Variants in PAPOLG observed in about 807,000 individuals in gnomAD.
PAPOLG encodes the protein PAP-gamma.
In PAPOLG, 40 loss-of-function variants were observed where a neutral mutation model predicts 99.0. The observed-to-expected ratio is 0.40, with a 90% CI of 0.31 to 0.53. PAPOLG has a LOEUF of 0.53. Among genes scored for constraint, PAPOLG ranks in the 20% least tolerant of loss-of-function variants. PAPOLG has a pLI of 0.41. For synonymous variants in PAPOLG, 310 were observed against 299.3 expected (o/e 1.04, Z -0.37); for missense variants, 675 against 884.1 (o/e 0.76, Z 3.00).
rs186012766 is a variant in PAPOLG, at chr2:60,757,062, A to G, written c.17+567A>G. 3.9e-4 allele frequency among the ~76,000 whole-genome samples: 60 copies of G among 152,260 alleles called. 2 individuals are homozygous for G. Among genetic ancestry groups the G allele is most frequent in the Non-Finnish European group, 2.1e-4 (14 of 68,026 alleles). ...CCTCTTGTTCACACTTTGATAAGTC[A>G]GAAACAGTTCCCGTACTTGGCAAGA... On this transcript the variant is annotated intron_variant, in intron 1 of 21. Transcript: ENST00000238714.
chr2:60,770,603 T>C, intron 6 of PAPOLG, 92 bp downstream of exon 6: 1 of 804,968 alleles, frequency 1.2e-6, no homozygotes. Context: ...AATGCATATT[T>C]TAAAAAATCA....
rs933853051 is a variant in PAPOLG at position 60,774,050 on chromosome 2, A to G, written c.605-984A>G. 3.3e-5 allele frequency among the ~76,000 whole-genome samples: 5 copies of G among 152,006 alleles called. No homozygotes were observed. The East Asian group carries it at 9.7e-4, about 29-fold the overall frequency. ...TAACTGCAAGTGTGTGGTGGTGAAG[A>G]TATTTTTTTCTGCTAGTGCAGTTTG... On this transcript the variant is annotated intron_variant, in intron 7 of 21. Transcript: ENST00000238714.
chr2:60,771,471 A>G (rs1380467432), intron 6 of PAPOLG, 48 bp from the exon 7 acceptor site: 1 of 1,556,960 alleles, frequency 6.4e-7, no homozygotes, highest in East Asian at 2.3e-5. Context: ...AGGATGGATT[A>G]AAAGGAGAAA....
rs895533781 is a variant in PAPOLG at position 60,793,495 on chromosome 2, T to C, written c.1680-132T>C. 10 of 1,024,028 alleles carry C rather than the reference T, an allele frequency of 9.8e-6. No individual in the cohort carries two copies. In the African/African-American group the frequency reaches 1.3e-4, roughly 13 times the overall value. The allele number at this position is 1,024,028 out of a possible 1,614,324, so 63.4% of individuals were successfully genotyped here. On this transcript the variant is annotated intron_variant, in intron 17 of 21. Transcript: ENST00000238714. ...GGCAAAGTTACTTGAGTCCAGGAGGTTGAGGCTGCAGTGAGCTGTGATTGT... is the reference window on the plus strand; with the variant it reads ...GGCAAAGTTACTTGAGTCCAGGAGGCTGAGGCTGCAGTGAGCTGTGATTGT...
At chr2:60,794,824 G>A (rs1671648159) in intron 20 of PAPOLG, 49 bp downstream of exon 20, 1 of 1,547,960 alleles carries the variant, frequency 6.5e-7, no homozygotes, top group Admixed American at 1.7e-5. Flanking sequence ...AAAGCGCCAT[G>A]TATCAGGAAA....
At chr2:60,780,302 A>G (rs1671149845) in intron 9 of PAPOLG, among the ~76,000 whole-genome samples, 1 of 147,686 alleles carries the variant, frequency 6.8e-6, no homozygotes, top group East Asian at 2.0e-4. Context: ...TTTAATTGAG[A>G]CAGGGTCTCA....
chr2:60,770,506 A>G lies in PAPOLG; in HGVS notation c.487A>G (p.Ile163Val), dbSNP rs980212517. Residue 163 changes from isoleucine (I) to valine (V), a missense_variant, in exon 6 of 22, where the codon ATT becomes GTT. This residue lies in a region of PAPOLG where 149 missense variants were observed against 192.1 expected (regional missense o/e 0.78). Coordinates refer to ENST00000238714, the MANE Select transcript of PAPOLG (RefSeq NM_022894.4). The stretch of plus-strand genomic sequence containing the variant: ...TGTTATAAAATTTGAATTTGATGGT[A>G]TTGAAGTAAGTGTTTAATATTTTTC... ...VPVIKFEFDG[I>V]EIDLVFARLA... 6.4e-7 allele frequency: 1 copy of G among 1,571,222 alleles called. No homozygotes were observed. The highest frequency in any genetic ancestry group is 8.7e-7 in the Non-Finnish European group (1 of 1,149,900).
intron 7 of PAPOLG, 81 bp from the exon 8 acceptor site, chr2:60,774,953 G>A (rs576650605): frequency 3.9e-5 from 62 of 1,578,920 alleles, no homozygotes; most frequent in Non-Finnish European, 5.0e-5. Flanking sequence ...TTTAGCATTC[G>A]AGAGTCTGGA....
chr2:60,795,298 G>A, intron 21 of PAPOLG: 1 of 560,006 alleles, frequency 1.8e-6, no homozygotes, highest in Non-Finnish European at 3.4e-6. Flanking sequence ...AGAAGCAGTT[G>A]GATGCTCAGC....
intron 7 of PAPOLG, 80 bp from the exon 8 acceptor site, chr2:60,774,952 CGA>C: frequency 6.4e-7 from 1 of 1,574,724 alleles, no homozygotes; most frequent in Non-Finnish European, 8.6e-7. Context: ...TTTTAGCATT[CGA>C]GAGTCTGGAA....
intron 13 of PAPOLG, among the ~76,000 whole-genome samples, chr2:60,785,358 C>T (rs1186188587): frequency 6.6e-6 from 1 of 152,100 alleles, no homozygotes; most frequent in Non-Finnish European, 1.5e-5. Flanking sequence ...AGGATGGTCT[C>T]AATCTCCTGT....
Position 60,797,954 on chromosome 2 carries a change from G to T in PAPOLG, c.*794G>T, listed in dbSNP as rs1671762296. ...AAGTCAGTATATGAATGGTAAAATTGTTACATATCCTATTTCATGCCATTC... is the reference window on the plus strand; with the variant it reads ...AAGTCAGTATATGAATGGTAAAATTTTTACATATCCTATTTCATGCCATTC... On this transcript the variant is annotated 3_prime_UTR_variant, in exon 22 of 22. Coordinates refer to ENST00000238714, the MANE Select transcript of PAPOLG (RefSeq NM_022894.4). The T allele has an allele frequency of 6.5e-6, 1 of 152,720 alleles. No homozygotes were observed. The highest frequency in any genetic ancestry group is 1.5e-5 in the Non-Finnish European group (1 of 68,032). The allele number at this position is 152,720 out of a possible 1,614,324, so 9.5% of individuals were successfully genotyped here.
chr2:60,775,256 T>TA (rs1670982110), intron 8 of PAPOLG, 133 bp downstream of exon 8: 1 of 1,079,400 alleles, frequency 9.3e-7, no homozygotes, highest in African/African-American at 1.6e-5. Context: ...CTGTAATAGC[T>TA]ATTTGCTTTT....
At position 60,798,385 on chromosome 2, in the gene PAPOLG, G is replaced by A. The variant is rs950676067; in HGVS notation, c.*1225G>A. 2.0e-5 allele frequency: 3 copies of A among 152,618 alleles called. No individual in the cohort carries two copies. In the Admixed American group the frequency reaches 2.0e-4, roughly 10 times the overall value. 9.5% of individuals were successfully genotyped at this position (152,618 alleles called of 1,614,324 possible). On this transcript the variant is annotated 3_prime_UTR_variant, in exon 22 of 22. Transcript: ENST00000238714. ...TTGTAATATGTTGATTCAGTGTTTT[G>A]TAAATGAAGTCGTATGTATTTTCAG... is the stretch of plus-strand genomic sequence containing the variant.
At chr2:60,795,222 G>A in intron 21 of PAPOLG, 2 of 659,836 alleles carry the variant, frequency 3.0e-6, no homozygotes, top group South Asian at 1.6e-5. Flanking sequence ...CTAAAAAAGA[G>A]GCAGTAGTTT....
intron 7 of PAPOLG, among the ~76,000 whole-genome samples, chr2:60,773,625 T>C (rs768741203): frequency 2.0e-5 from 3 of 152,092 alleles, no homozygotes; most frequent in Non-Finnish European, 2.9e-5. Context: ...TATCATGCCT[T>C]GGTCATTTGG....
intron 17 of PAPOLG, 128 bp downstream of exon 17, chr2:60,792,417 G>A (rs1030694464): frequency 1.3e-5 from 12 of 915,580 alleles, no homozygotes; most frequent in Non-Finnish European, 1.9e-5. Flanking sequence ...CTGGCTGCTG[G>A]TCAATTTCTT....
rs568481490 is a variant in PAPOLG at position 60,768,501 on chromosome 2, G to A, written c.278G>A (p.Gly93Asp). ...NLPPSVVATV[G>D]GKIFTFGSYR... ...CCACCTTCTGTTGTGGCTACTGTTG[G>A]TGGTAAAATTTTCACATTTGGATCC... The change falls in exon 4 of 22, where the codon GGT becomes GAT. Residue 93 changes from glycine (G) to aspartate (D), a missense_variant. Gly to Asp is a moderately conservative substitution (Grantham distance 94). Around this residue, in one of 3 missense-constraint regions of PAPOLG, gnomAD observed 149 missense variants for 192.1 expected, o/e 0.78. Transcript: ENST00000238714. The A allele has an allele frequency of 6.2e-7, 1 of 1,613,896 alleles. No homozygotes were observed. The highest frequency in any genetic ancestry group is 8.5e-7 in the Non-Finnish European group (1 of 1,179,840).
chr2:60,783,001 T>A, intron 12 of PAPOLG, 155 bp from the exon 13 acceptor site: 1 of 520,384 alleles, frequency 1.9e-6, no homozygotes, highest in Non-Finnish European at 2.5e-6. Flanking sequence ...TAGAATTAAT[T>A]TTGTGAAAAT....
Sources: allele counts gnomAD v4.1 joint callset (sites outside exome capture counted in the v4.1 genomes callset), GRCh38; gene constraint gnomAD v4.1.1; regional missense constraint gnomAD v4.1.1; transcripts MANE v1.5; gene names NCBI Gene and HGNC (gene_info 2026-07-23, HGNC 2026-07-21).